Variants in GRXCR2 observed in about 807,000 individuals in gnomAD.
GRXCR2 encodes the protein glutaredoxin domain-containing cysteine-rich protein 2.
GRXCR2 carries 23 observed loss-of-function variants against 24.8 expected under a neutral mutation model. That is an observed-to-expected ratio of 0.93 (90% CI 0.67 to 1.32). GRXCR2 has a LOEUF of 1.32. Ranked by LOEUF, GRXCR2 falls within the 40% of genes most tolerant of loss-of-function variation. The probability of loss-of-function intolerance (pLI) is 0.00; values close to 1 mark genes in which losing one functional copy is unlikely to be tolerated. For synonymous variants in GRXCR2, 130 were observed against 116.1 expected (o/e 1.12, Z -0.77); for missense variants, 315 against 303.4 (o/e 1.04, Z -0.28).
intron 2 of GRXCR2, among the ~76,000 whole-genome samples, chr5:145,889,290 G>T (rs1172543433): frequency 6.6e-6 from 1 of 152,040 alleles, no homozygotes; most frequent in Non-Finnish European, 1.5e-5. Flanking sequence ...TGTTGGGGTT[G>T]GGAGGCAAGG....
Position 145,905,719 on chromosome 5 carries a change from C to T in GRXCR2, c.-70+29982G>A, listed in dbSNP as rs1014343769. On this transcript the variant is annotated intron_variant, in intron 2 of 3. Coordinates refer to the GRXCR2 transcript ENST00000639411. ...CAAGAATGTGGCACTTAACCTGAGA[C>T]ATAAAGAGTGTGTTGGCTTTTATAT... Among the ~76,000 whole-genome samples, 79 of 152,068 alleles carry T rather than the reference C, an allele frequency of 5.2e-4. 1 individual carries two copies. The highest frequency in any genetic ancestry group is 1.9e-3 in the African/African-American group (78 of 41,414).
intron 2 of GRXCR2, among the ~76,000 whole-genome samples, chr5:145,905,429 T>C (rs369335465): frequency 6.6e-6 from 1 of 152,214 alleles, no homozygotes; most frequent in African/African-American, 2.4e-5. Context: ...TTAAGGCAAT[T>C]TGGTTTGTTA....
intron 2 of GRXCR2, among the ~76,000 whole-genome samples, chr5:145,895,715 T>C (rs2149920791): frequency 6.6e-6 from 1 of 152,320 alleles, no homozygotes; most frequent in Non-Finnish European, 1.5e-5. Flanking sequence ...CCCAAGCTAA[T>C]TTATAGATTC....
chr5:145,914,507 C>A (rs943482746), intron 2 of GRXCR2, among the ~76,000 whole-genome samples: 1 of 151,674 alleles, frequency 6.6e-6, no homozygotes, highest in East Asian at 1.9e-4. Flanking sequence ...GAAACTCTGG[C>A]TCTACTAAAA....
intron 2 of GRXCR2, among the ~76,000 whole-genome samples, chr5:145,902,355 G>A (rs1275771227): frequency 2.0e-5 from 3 of 152,114 alleles, no homozygotes; most frequent in Non-Finnish European, 4.4e-5. Context: ...CTCCTGCCTT[G>A]ATTTCCCAAA....
At chr5:145,885,929 C>T (rs974460178) in intron 2 of GRXCR2, among the ~76,000 whole-genome samples, 14 of 152,106 alleles carry the variant, frequency 9.2e-5, no homozygotes, top group Non-Finnish European at 1.8e-4. Context: ...AACTGAAAAC[C>T]GAAGTGCAGA....
chr5:145,919,664 T>G (rs576759857), intron 2 of GRXCR2, among the ~76,000 whole-genome samples: 1 of 152,288 alleles, frequency 6.6e-6, no homozygotes, highest in African/African-American at 2.4e-5. Context: ...TAATTCAGAC[T>G]GATCATTAGG....
At position 145,922,684 on chromosome 5, in the gene GRXCR2, C is replaced by A. The variant is rs148549430; in HGVS notation, c.-70+13017G>T. Among the ~76,000 whole-genome samples the A allele has an allele frequency of 2.6e-3, 389 of 152,260 alleles. 4 individuals are homozygous for A. Among genetic ancestry groups the A allele is most frequent in the African/African-American group, 8.5e-3 (355 of 41,554 alleles). ...AGATGTAATTTTTCTCTCTCAACAC[C>A]CTTAAAAAGCTGTTTCTACACCCAG... On this transcript the variant is annotated intron_variant, in intron 2 of 3. Coordinates refer to the GRXCR2 transcript ENST00000639411.
chr5:145,863,780 C>T (rs560848761), intron 2 of GRXCR2, among the ~76,000 whole-genome samples: 2 of 152,266 alleles, frequency 1.3e-5, no homozygotes, highest in South Asian at 2.1e-4. Flanking sequence ...AACTACCACA[C>T]CCGGCCCAGG....
At chr5:145,902,109 T>A (rs527868357) in intron 2 of GRXCR2, among the ~76,000 whole-genome samples, 9 of 152,250 alleles carry the variant, frequency 5.9e-5, no homozygotes, top group African/African-American at 1.7e-4. Context: ...TTCTTTTTTT[T>A]TAGAGAGATG....
At chr5:145,928,567 G>A (rs952782666) in intron 2 of GRXCR2, among the ~76,000 whole-genome samples, 1 of 152,150 alleles carries the variant, frequency 6.6e-6, no homozygotes, top group African/African-American at 2.4e-5. Flanking sequence ...GGAATACTAT[G>A]CAGCCATAAA....
chr5:145,898,373 GCAC>G (rs1756978379), intron 2 of GRXCR2, among the ~76,000 whole-genome samples: 1 of 151,574 alleles, frequency 6.6e-6, no homozygotes, highest in African/African-American at 2.4e-5. Context: ...GGAAAAGCTG[GCAC>G]CACATCAATT....
intron 2 of GRXCR2, among the ~76,000 whole-genome samples, chr5:145,916,471 G>A (rs929862670): frequency 6.9e-6 from 1 of 145,064 alleles, no homozygotes; most frequent in Non-Finnish European, 1.6e-5. Context: ...TTCTCCACCA[G>A]GCCCCAGGCT....
chr5:145,928,558 GA>G (rs1278281657), intron 2 of GRXCR2, among the ~76,000 whole-genome samples: 1 of 152,158 alleles, frequency 6.6e-6, no homozygotes, highest in Non-Finnish European at 1.5e-5. Context: ...ATACACTGTG[GA>G]ATACTATGCA....
intron 2 of GRXCR2, among the ~76,000 whole-genome samples, chr5:145,892,900 CA>C (rs745849001): frequency 2.8e-4 from 43 of 152,260 alleles, no homozygotes; most frequent in Non-Finnish European, 5.4e-4. Flanking sequence ...GGCTTACCCA[CA>C]AAGGGAAGCG....
intron 2 of GRXCR2, among the ~76,000 whole-genome samples, chr5:145,911,182 C>T (rs901272619): frequency 6.6e-6 from 1 of 152,184 alleles, no homozygotes; most frequent in African/African-American, 2.4e-5. Context: ...CATCTATCAG[C>T]ACCTCGAGTT....
At chr5:145,874,031 A>T (rs937896044), upstream of GRXCR2, among the ~76,000 whole-genome samples, 1 of 152,152 alleles carries the variant, frequency 6.6e-6, no homozygotes, top group Admixed American at 6.5e-5. Context: ...GTTTGTAAAG[A>T]AAAGGGCCCT....
chr5:145,897,328 A>T (rs1561685533), intron 2 of GRXCR2, among the ~76,000 whole-genome samples: 3 of 152,146 alleles, frequency 2.0e-5, no homozygotes, highest in African/African-American at 7.2e-5. Flanking sequence ...AGTATAATAA[A>T]AAAAAAAACT....
intron 2 of GRXCR2, among the ~76,000 whole-genome samples, chr5:145,881,927 C>A (rs778361667): frequency 2.0e-5 from 3 of 152,162 alleles, no homozygotes; most frequent in Non-Finnish European, 4.4e-5. Flanking sequence ...GGAAAGGATT[C>A]CCTATTTCAT....
Sources: gnomAD v4.1 joint callset for allele counts (sites outside exome capture counted in the v4.1 genomes callset) on GRCh38, gnomAD v4.1.1 for gene constraint, MANE v1.5 for transcripts, NCBI Gene and HGNC (gene_info 2026-07-23, HGNC 2026-07-21) for gene names.